The following KIRREL3 variants were observed in gnomAD, a reference collection of about 807,000 sequenced individuals.
KIRREL3 encodes kin of IRRE-like protein 3.
In KIRREL3, 36 loss-of-function variants were observed where a neutral mutation model predicts 89.7. The observed-to-expected ratio is 0.40, with a 90% CI of 0.31 to 0.53. The LOEUF is 0.53. KIRREL3 is among the 20% of genes least tolerant of loss of function. KIRREL3 has a pLI of 0.49. For missense variants in KIRREL3, 864 were observed against 1,056.6 expected (o/e 0.82, Z 2.53); for synonymous variants, 445 against 441.4 (o/e 1.01, Z -0.10).
In KIRREL3 at chr11:126,877,676, G is replaced by T. The variant is rs1424873611; in HGVS notation, c.55+122779C>A. Reference sequence around the variant, plus strand: ...TATTTGGCTAGCATAACTGGTGCATGTGCAAGTATAATTTTGAACAGGGAG... The same window carrying T: ...TATTTGGCTAGCATAACTGGTGCATTTGCAAGTATAATTTTGAACAGGGAG... On this transcript the variant is annotated intron_variant, in intron 1 of 16. Transcript: ENST00000525144. This position sits in a 1 kb window ranked among gnomAD's most constrained non-coding sequence, Gnocchi z 4.9. 2.6e-5 allele frequency among the ~76,000 whole-genome samples: 4 copies of T among 152,224 alleles called. No individual in the cohort carries two copies. Among genetic ancestry groups the T allele is most frequent in the Admixed American group, 6.5e-5 (1 of 15,286 alleles).
chr11:126,526,711 G>A lies in KIRREL3; in HGVS notation c.134-24C>T, dbSNP rs377126413. The stretch of plus-strand genomic sequence containing the variant: ...GCCTGGGAAGGAGACAAACACAATG[G>A]TCAGTTATCTGCCGGCTACAGGGGC... On this transcript the variant is annotated intron_variant, in intron 2 of 16. Coordinates refer to ENST00000525144, the MANE Select transcript of KIRREL3 (RefSeq NM_032531.4). The surrounding 1 kb of genome is among the most constrained non-coding windows in gnomAD (Gnocchi z 5.7). 2 of 1,548,780 alleles carry A rather than the reference G, an allele frequency of 1.3e-6. No individual in the cohort carries two copies. Among genetic ancestry groups the A allele is most frequent in the African/African-American group, 2.7e-5 (2 of 73,098 alleles).
chr11:126,580,425 AG>A (rs1237226761), intron 1 of KIRREL3, among the ~76,000 whole-genome samples: 1 of 152,100 alleles, frequency 6.6e-6, no homozygotes, highest in East Asian at 1.9e-4. Flanking sequence ...AGGACATTCT[AG>A]GAGGAGGAAT....
chr11:126,626,247 G>T (rs1943779234), intron 1 of KIRREL3, among the ~76,000 whole-genome samples: 1 of 152,228 alleles, frequency 6.6e-6, no homozygotes, highest in Admixed American at 6.5e-5. Context: ...AGTCTCTGGG[G>T]CTGGGTGTGC....
chr11:126,795,406 G>A lies in KIRREL3; in HGVS notation c.55+205049C>T, dbSNP rs1430946578. On this transcript the variant is annotated intron_variant, in intron 1 of 16. Transcript: ENST00000525144. This position sits in a 1 kb window ranked among gnomAD's most constrained non-coding sequence, Gnocchi z 4.1. Reference sequence around the variant, plus strand: ...ATTTTTTGAGACAGAGTCTCAGTCTGTGACCCAGCCTGGAGTGCAGTGGCG... The same window carrying A: ...ATTTTTTGAGACAGAGTCTCAGTCTATGACCCAGCCTGGAGTGCAGTGGCG... 6.6e-6 allele frequency among the ~76,000 whole-genome samples: 1 copy of A among 152,176 alleles called. No individual in the cohort carries two copies. The highest frequency in any genetic ancestry group is 1.5e-5 in the Non-Finnish European group (1 of 68,036).
At chr11:126,859,430 T>C (rs1006261859) in intron 1 of KIRREL3, among the ~76,000 whole-genome samples, 2 of 152,142 alleles carry the variant, frequency 1.3e-5, no homozygotes, top group African/African-American at 4.8e-5. Context: ...TTTTGAATCA[T>C]GGTGCTATAC....
chr11:126,772,080 A>G lies in KIRREL3; in HGVS notation c.56-209168T>C, dbSNP rs913499435. 6.6e-6 allele frequency among the ~76,000 whole-genome samples: 1 copy of G among 152,210 alleles called. No homozygotes were observed. The highest frequency in any genetic ancestry group is 1.5e-5 in the Non-Finnish European group (1 of 68,038). On this transcript the variant is annotated intron_variant, in intron 1 of 16. Transcript: ENST00000525144. This position sits in a 1 kb window ranked among gnomAD's most constrained non-coding sequence, Gnocchi z 4.6. ...GAGCTCTAAAGCACTAAGAGGTGCC[A>G]GCTCATTCTCAGGGCAGAAGAACCA...
intron 9 of KIRREL3, among the ~76,000 whole-genome samples, chr11:126,445,436 A>T (rs1449321927): frequency 6.6e-6 from 1 of 152,184 alleles, no homozygotes; most frequent in Non-Finnish European, 1.5e-5. Flanking sequence ...TTCCTCCTAC[A>T]GGAACCTCCC....
In KIRREL3 at chr11:126,579,638, AGAGT is replaced by A. The variant is rs1397230810; in HGVS notation, c.56-16730_56-16727del. On this transcript the variant is annotated intron_variant, in intron 1 of 16. Coordinates refer to ENST00000525144, the MANE Select transcript of KIRREL3 (RefSeq NM_032531.4). This position sits in a 1 kb window ranked among gnomAD's most constrained non-coding sequence, Gnocchi z 5.3. The stretch of plus-strand genomic sequence containing the variant: ...AGGCAAATGCACCACCTGTGGCCCT[AGAGT>A]GGGGAGCATTGAGGTTGGATGGCAT... 6.6e-6 allele frequency among the ~76,000 whole-genome samples: 1 copy of A among 152,042 alleles called. No individual in the cohort carries two copies. Among genetic ancestry groups the A allele is most frequent in the Non-Finnish European group, 1.5e-5 (1 of 68,014 alleles).
rs1938637830 is a variant in KIRREL3, at chr11:126,544,670, T to TCCA, written c.134-17986_134-17984dup. 6.6e-6 allele frequency among the ~76,000 whole-genome samples: 1 copy of TCCA among 152,150 alleles called. No homozygotes were observed. The highest frequency in any genetic ancestry group is 2.4e-5 in the African/African-American group (1 of 41,438). The stretch of plus-strand genomic sequence containing the variant: ...TGGGCCCTGTCATTTATTTACTCCC[T>TCCA]CCACGGGGCTGCTTTTTGTATCTGG... On this transcript the variant is annotated intron_variant, in intron 2 of 16. Coordinates refer to ENST00000525144, the MANE Select transcript of KIRREL3 (RefSeq NM_032531.4). The surrounding 1 kb of genome is among the most constrained non-coding windows in gnomAD (Gnocchi z 5.6).
At chr11:126,533,880 G>T (rs1388152399) in intron 2 of KIRREL3, among the ~76,000 whole-genome samples, 1 of 152,318 alleles carries the variant, frequency 6.6e-6, no homozygotes, top group South Asian at 2.1e-4. Flanking sequence ...ATGCTCAGGG[G>T]AAACCGACCT....
At chr11:126,603,526 A>G (rs1942753278) in intron 1 of KIRREL3, among the ~76,000 whole-genome samples, 1 of 152,218 alleles carries the variant, frequency 6.6e-6, no homozygotes, top group African/African-American at 2.4e-5. Flanking sequence ...AGAAACCTCA[A>G]TGGCTGGCCC....
At chr11:126,862,938 A>G (rs7117098) in intron 1 of KIRREL3, among the ~76,000 whole-genome samples, 124,203 of 152,214 alleles carry the variant, frequency 0.82, 50,858 homozygotes, top group East Asian at 1. Context: ...CAGAGAGCCC[A>G]AGCATCACAC....
At chr11:126,593,105 C>T (rs1555156654) in intron 1 of KIRREL3, among the ~76,000 whole-genome samples, 1 of 152,148 alleles carries the variant, frequency 6.6e-6, no homozygotes, top group Non-Finnish European at 1.5e-5. Flanking sequence ...AGGAAAAAAG[C>T]CAGGGCTTTG....
chr11:126,664,946 G>A lies in KIRREL3; in HGVS notation c.56-102034C>T, dbSNP rs1945588540. Among the ~76,000 whole-genome samples, 1 of 152,204 alleles carries A rather than the reference G, an allele frequency of 6.6e-6. No homozygotes were observed. The highest frequency in any genetic ancestry group is 2.4e-5 in the African/African-American group (1 of 41,446). The stretch of plus-strand genomic sequence containing the variant: ...GCAGAATGAACTGTGCTCTTACTCT[G>A]CAGCCTTCGACACATTATTCATAAC... On this transcript the variant is annotated intron_variant, in intron 1 of 16. Transcript: ENST00000525144. This position sits in a 1 kb window ranked among gnomAD's most constrained non-coding sequence, Gnocchi z 5.4.
chr11:127,002,373 T>C (rs1591454207), upstream of KIRREL3, among the ~76,000 whole-genome samples: 2 of 152,236 alleles, frequency 1.3e-5, no homozygotes, highest in South Asian at 4.1e-4. Context: ...CAACAGAAAC[T>C]AAAAGGACAC....
intron 1 of KIRREL3, among the ~76,000 whole-genome samples, chr11:126,923,258 C>T (rs1271168916): frequency 3.1e-5 from 3 of 97,432 alleles, no homozygotes; most frequent in African/African-American, 4.7e-5. Context: ...TCTTCTTCTT[C>T]TTCTTCTTCT....
chr11:126,992,059 T>C (rs571905272), intron 1 of KIRREL3, among the ~76,000 whole-genome samples: 1 of 152,300 alleles, frequency 6.6e-6, no homozygotes, highest in South Asian at 2.1e-4. Context: ...CTAGTTATCA[T>C]CACCATCATC....
chr11:126,671,235 CTTTT>C (rs141912968), intron 1 of KIRREL3, among the ~76,000 whole-genome samples: 3 of 136,306 alleles, frequency 2.2e-5, no homozygotes. Context: ...AGTTTTTCTC[CTTTT>C]TTTTTTTTTT....
rs1459298097 is a variant in KIRREL3, at chr11:126,989,244, T to C, written c.55+11211A>G. ...TACAAGAGATGCTGAAGAAGTCACCTGGAATTTGCTAGTAGAACTATCAGT... is the reference window on the plus strand; with the variant it reads ...TACAAGAGATGCTGAAGAAGTCACCCGGAATTTGCTAGTAGAACTATCAGT... On this transcript the variant is annotated intron_variant, in intron 1 of 16. Coordinates refer to ENST00000525144, the MANE Select transcript of KIRREL3 (RefSeq NM_032531.4). This position sits in a 1 kb window ranked among gnomAD's most constrained non-coding sequence, Gnocchi z 6.2. 6.6e-6 allele frequency among the ~76,000 whole-genome samples: 1 copy of C among 152,196 alleles called. No homozygotes were observed. The highest frequency in any genetic ancestry group is 1.5e-5 in the Non-Finnish European group (1 of 68,038).
Sources: gnomAD v4.1 joint callset for allele counts (sites outside exome capture counted in the v4.1 genomes callset) on GRCh38, gnomAD v4.1.1 for gene constraint, Gnocchi (gnomAD v3.1) non-coding constraint, MANE v1.5 for transcripts, NCBI Gene and HGNC (gene_info 2026-07-23, HGNC 2026-07-21) for gene names.